Variants in MRPL40 observed in about 807,000 individuals in gnomAD.
MRPL40 encodes large ribosomal subunit protein mL40.
A neutral mutation model predicts 24.5 loss-of-function variants in MRPL40; 18 were observed. The observed-to-expected ratio is 0.73, with a 90% CI of 0.51 to 1.09. The LOEUF (loss-of-function observed/expected upper bound fraction) is 1.09. Among genes scored for constraint, MRPL40 ranks in the 50% least tolerant of loss-of-function variants. MRPL40 has a pLI of 0.00. For missense variants in MRPL40, 256 were observed against 243.8 expected, an observed-to-expected ratio of 1.05 and a Z score of -0.33; for synonymous variants, 108 against 94.6, an observed-to-expected ratio of 1.14 and a Z score of -0.82.
At chr22:19,432,734 ATC>A in intron 1 of MRPL40, 127 bp downstream of exon 1, 1 of 1,419,918 alleles carries the variant, frequency 7.0e-7, no homozygotes, top group Non-Finnish European at 9.2e-7. Context: ...GGGATGAGCC[ATC>A]TGGTCGTGAC....
At position 19,435,879 on chromosome 22, in the gene MRPL40, C is replaced by T. The variant is rs752246054; in HGVS notation, c.538C>T (p.Pro180Ser). 2 of 1,614,166 alleles carry T rather than the reference C, an allele frequency of 1.2e-6. No individual in the cohort carries two copies. The highest frequency in any genetic ancestry group is 3.3e-5 in the Admixed American group (2 of 60,020). ...TGAGAAGGAAGGGCCACATTACACACCACCGATCCCTAACTACCAACCCCC... is the reference window on the plus strand; with the variant it reads ...TGAGAAGGAAGGGCCACATTACACATCACCGATCCCTAACTACCAACCCCC... ...PFEKEGPHYT[P>S]PIPNYQPPEG... Residue 180 changes from proline to serine, a missense_variant, in exon 4 of 4, where the codon CCA (proline) becomes TCA (serine). Physicochemically the swap from Pro to Ser is moderately conservative, Grantham distance 74. Coordinates refer to ENST00000333130, the MANE Select transcript of MRPL40 (RefSeq NM_003776.4).
At chr22:19,435,447 C>G (rs926520331) in intron 3 of MRPL40, among the ~76,000 whole-genome samples, 191 bp from the exon 4 acceptor site, 2 of 152,194 alleles carry the variant, frequency 1.3e-5, no homozygotes, top group Non-Finnish European at 2.9e-5. Context: ...GTTCTTTTGA[C>G]AGAGAGCAAA....
Position 19,435,820 on chromosome 22 carries a change from A to G in MRPL40, c.479A>G (p.Glu160Gly). The G allele has an allele frequency of 6.2e-7, 1 of 1,614,228 alleles. No homozygotes were observed. Among genetic ancestry groups the G allele is most frequent in the Non-Finnish European group, 8.5e-7 (1 of 1,180,044 alleles). The change falls in exon 4 of 4, where the codon GAG (glutamate) becomes GGG (glycine). Residue 160 changes from glutamate to glycine, a missense_variant. By Grantham distance (98) the Glu-to-Gly change is moderately conservative. Transcript: ENST00000333130. The stretch of plus-strand genomic sequence containing the variant: ...CTGGAATCCCCGAAGCTCCATGCTG[A>G]GGCCATCAAGCGGGATCCTAACCTG... ...LQLESPKLHAEAIKRDPNLFP... is the reference protein window; with the variant it reads ...LQLESPKLHAGAIKRDPNLFP...
intron 2 of MRPL40, among the ~76,000 whole-genome samples, chr22:19,434,216 CTTTTTTTTTTTTTT>C (rs35856980): frequency 2.3e-5 from 2 of 85,302 alleles, no homozygotes; most frequent in African/African-American, 1.1e-4. Flanking sequence ...TGCTTTTGTA[CTTTTTTTTTTTTTT>C]TTTTTTTTTT....
intron 2 of MRPL40, among the ~76,000 whole-genome samples, chr22:19,433,669 T>G (rs1329717314): frequency 1.2e-4 from 19 of 152,064 alleles, no homozygotes; most frequent in Non-Finnish European, 4.4e-5. Context: ...CCCTGGAGAG[T>G]GTGGGGAAGA....
intron 2 of MRPL40, among the ~76,000 whole-genome samples, chr22:19,433,789 G>C (rs548309098): frequency 8.7e-4 from 132 of 151,972 alleles, no homozygotes; most frequent in African/African-American, 2.2e-3. Context: ...TTGAGATGGA[G>C]TCTCACTGTG....
At position 19,433,413 on chromosome 22, in the gene MRPL40, G is replaced by T. The variant is rs2089563896; in HGVS notation, c.137+65G>T. The T allele has an allele frequency of 2.0e-5, 20 of 984,814 alleles. No individual in the cohort carries two copies. The South Asian group carries it at 2.7e-4, about 13-fold the overall frequency. The allele number at this position is 984,814 out of a possible 1,614,324, so 61.0% of individuals were successfully genotyped here. A position where few individuals can be genotyped will look rare whatever the true frequency, so the allele number is the denominator to read the frequency against. On this transcript the variant is annotated intron_variant, in intron 2 of 3. Transcript: ENST00000333130. ...TGTCAGTCTATGTGTAGAGAACAAAGCAAGAATGCTGGATGTGTGGTTTGC... is the reference window on the plus strand; with the variant it reads ...TGTCAGTCTATGTGTAGAGAACAAATCAAGAATGCTGGATGTGTGGTTTGC...
At chr22:19,433,488 T>C (rs928949304) in intron 2 of MRPL40, 140 bp downstream of exon 2, 35 of 571,172 alleles carry the variant, frequency 6.1e-5, no homozygotes, top group African/African-American at 5.9e-4. Context: ...CCGATGCTTT[T>C]CTGTTTTTCC....
At chr22:19,434,423 A>T (rs568503083) in intron 2 of MRPL40, among the ~76,000 whole-genome samples, 5 of 151,820 alleles carry the variant, frequency 3.3e-5, no homozygotes, top group Admixed American at 3.3e-4. Flanking sequence ...GGGTTTCGCC[A>T]TGTTGACCAG....
rs746736947 is a variant in MRPL40, at chr22:19,433,389, G to A, written c.137+41G>A. 21 of 1,205,836 alleles carry A rather than the reference G, an allele frequency of 1.7e-5. No homozygotes were observed. The South Asian group carries it at 2.6e-4, about 15-fold the overall frequency. 74.7% of individuals were successfully genotyped at this position (1,205,836 alleles called of 1,614,324 possible). On this transcript the variant is annotated intron_variant, in intron 2 of 3. Coordinates refer to ENST00000333130, the MANE Select transcript of MRPL40 (RefSeq NM_003776.4). ...GGGCCTGACCTCTGGGGGTAAAGGT[G>A]TCAGTCTATGTGTAGAGAACAAAGC...
intron 3 of MRPL40, 84 bp from the exon 4 acceptor site, chr22:19,435,554 G>C: frequency 1.6e-6 from 2 of 1,287,364 alleles, no homozygotes; most frequent in South Asian, 1.4e-5. Context: ...AGTCCTGTCT[G>C]TGTCTGGCAA....
At position 19,435,754 on chromosome 22, in the gene MRPL40, C is replaced by T. The variant is rs777021975; in HGVS notation, c.413C>T (p.Ala138Val). Residue 138 changes from alanine (A) to valine (V), a missense_variant, in exon 4 of 4, where the codon GCT becomes GTT. Physicochemically the swap from Ala to Val is moderately conservative, Grantham distance 64. Coordinates refer to ENST00000333130, the MANE Select transcript of MRPL40 (RefSeq NM_003776.4). ...AAGATGGAGAGGGACACCATCAGGG[C>T]TATGCTAGAAGCCCAGCAGGAAGCT... ...ERKMERDTIR[A>V]MLEAQQEALE... The T allele has an allele frequency of 6.2e-7, 1 of 1,614,146 alleles. No homozygotes were observed. The highest frequency in any genetic ancestry group is 1.1e-5 in the South Asian group (1 of 91,084).
chr22:19,435,578 G>A, intron 3 of MRPL40, 60 bp from the exon 4 acceptor site: 2 of 1,453,718 alleles, frequency 1.4e-6, no homozygotes. Context: ...GAATACTTGT[G>A]TCAGTTGCAG....
At position 19,435,724 on chromosome 22, in the gene MRPL40, A is replaced by G. The variant is rs2146271340; in HGVS notation, c.383A>G (p.Glu128Gly). 1 of 1,614,122 alleles carries G rather than the reference A, an allele frequency of 6.2e-7. No homozygotes were observed. Among genetic ancestry groups the G allele is most frequent in the East Asian group, 2.2e-5 (1 of 44,862 alleles). Residue 128 changes from glutamate to glycine, a missense_variant, in exon 4 of 4, where the codon GAG becomes GGG. Glu to Gly is a moderately conservative substitution (Grantham distance 98). Transcript: ENST00000333130. Reference sequence around the variant, plus strand: ...AAGTGGTCCTTGTACAAGCAGCAAGAGCGTAAGATGGAGAGGGACACCATC... The same window carrying G: ...AAGTGGTCCTTGTACAAGCAGCAAGGGCGTAAGATGGAGAGGGACACCATC... The part of the protein sequence containing the change: ...LKKWSLYKQQ[E>G]RKMERDTIRA...
At chr22:19,432,629 A>G in intron 1 of MRPL40, 22 bp downstream of exon 1, 1 of 1,545,380 alleles carries the variant, frequency 6.5e-7, no homozygotes, top group Non-Finnish European at 8.7e-7. Flanking sequence ...CGCTGGCCGG[A>G]TAGCGGAGTG....
Position 19,432,620 on chromosome 22 carries a change from G to A in MRPL40, c.53+13G>A, listed in dbSNP as rs2089553516. On this transcript the variant is annotated intron_variant, in intron 1 of 3. Coordinates refer to ENST00000333130, the MANE Select transcript of MRPL40 (RefSeq NM_003776.4). The stretch of plus-strand genomic sequence containing the variant: ...GCCCGACTAGCGGGTGAGTGCGGAC[G>A]CTGGCCGGATAGCGGAGTGCCCAGG... 1.3e-6 allele frequency: 2 copies of A among 1,548,632 alleles called. No homozygotes were observed. The highest frequency in any genetic ancestry group is 1.7e-6 in the Non-Finnish European group (2 of 1,147,162).
Position 19,432,547 on chromosome 22 carries a change from G to A in MRPL40, c.-8G>A, listed in dbSNP as rs564691847. On this transcript the variant is annotated 5_prime_UTR_variant, in exon 1 of 4. Coordinates refer to ENST00000333130, the MANE Select transcript of MRPL40 (RefSeq NM_003776.4). ...AGGGGCGCACGCCCGGAAGCGGCGA[G>A]GGTAGCCATGACGGCCTCCGTGCTG... 8 of 1,547,804 alleles carry A rather than the reference G, an allele frequency of 5.2e-6. No individual in the cohort carries two copies. The African/African-American group carries it at 8.3e-5, about 16-fold the overall frequency.
chr22:19,434,601 C>A, intron 2 of MRPL40, 135 bp from the exon 3 acceptor site: 1 of 659,360 alleles, frequency 1.5e-6, no homozygotes. Flanking sequence ...CTCCTCACCA[C>A]GCTGAGCTCA....
chr22:19,435,205 G>A (rs1021853714), intron 3 of MRPL40, among the ~76,000 whole-genome samples: 1 of 152,216 alleles, frequency 6.6e-6, no homozygotes, highest in Non-Finnish European at 1.5e-5. Context: ...CCTGGAGTCT[G>A]AAGCCCTCGC....
Sources: gnomAD v4.1 joint callset for allele counts (sites outside exome capture counted in the v4.1 genomes callset) on GRCh38, gnomAD v4.1.1 for gene constraint, MANE v1.5 for transcripts, NCBI Gene and HGNC (gene_info 2026-07-23, HGNC 2026-07-21) for gene names.